Variants in SLIT3 observed in about 807,000 individuals in gnomAD.
SLIT3 encodes the protein slit homolog 3 protein.
In SLIT3, 68 loss-of-function variants were observed where a neutral mutation model predicts 184.0. The ratio of observed to expected loss-of-function variants is 0.37; its 90% CI spans 0.30 to 0.45. SLIT3 has a LOEUF of 0.45. Ranked by LOEUF, SLIT3 falls within the 20% of genes least tolerant of loss-of-function variation. SLIT3 has a pLI of 1.00. For missense variants in SLIT3, 1,707 were observed against 2,026.0 expected (o/e 0.84, Z 3.02); for synonymous variants, 831 against 828.6 (o/e 1.00, Z -0.05).
At chr5:168,788,609 A>G (rs1756245001) in intron 11 of SLIT3, among the ~76,000 whole-genome samples, 1 of 151,692 alleles carries the variant, frequency 6.6e-6, no homozygotes, top group Non-Finnish European at 1.5e-5. Flanking sequence ...TTTTTTTGAC[A>G]TACTAACTCT....
At chr5:169,243,103 T>C (rs1311595430) in intron 3 of SLIT3, among the ~76,000 whole-genome samples, 2 of 152,122 alleles carry the variant, frequency 1.3e-5, no homozygotes, top group Non-Finnish European at 2.9e-5. Context: ...TTACACCTCA[T>C]AGGAATTTTT....
chr5:169,248,167 G>A (rs189720721), intron 2 of SLIT3, among the ~76,000 whole-genome samples: 4 of 152,072 alleles, frequency 2.6e-5, no homozygotes, highest in Admixed American at 1.3e-4. Context: ...AAGGCCCAGG[G>A]GACAGTAGTG....
At chr5:169,260,704 T>C (rs1766142074) in intron 1 of SLIT3, among the ~76,000 whole-genome samples, 1 of 152,222 alleles carries the variant, frequency 6.6e-6, no homozygotes, top group Non-Finnish European at 1.5e-5. Context: ...ATTTTCTACC[T>C]GTTTTCTATT....
chr5:168,895,657 G>T (rs115320480), intron 4 of SLIT3, among the ~76,000 whole-genome samples: 13 of 152,160 alleles, frequency 8.5e-5, no homozygotes, highest in Non-Finnish European at 7.3e-5. Context: ...ATAGAATGAC[G>T]TTTCTCATCA....
rs10571842 is a variant in SLIT3, at chr5:169,194,233, CAAAAAAAAAA to C, written c.342-693_342-684del. 2.4e-4 allele frequency among the ~76,000 whole-genome samples: 15 copies of C among 61,394 alleles called. 1 individual carries two copies. The highest frequency in any genetic ancestry group is 2.0e-3 in the South Asian group (2 of 1,018). 40.3% of individuals were successfully genotyped at this position (61,394 alleles called of 152,430 possible). A position where few individuals can be genotyped will look rare whatever the true frequency, so the allele number is the denominator to read the frequency against. ...CTGGCGACAGAGCAAGACTCTGTCT[CAAAAAAAAAA>C]AAAAAAAAAAAAAAAAAAAGAAGAA... is the stretch of plus-strand genomic sequence containing the variant. On this transcript the variant is annotated intron_variant, in intron 3 of 35. Coordinates refer to ENST00000519560, the MANE Select transcript of SLIT3 (RefSeq NM_003062.4).
intron 4 of SLIT3, among the ~76,000 whole-genome samples, chr5:169,094,018 A>G (rs1386465489): frequency 6.6e-6 from 1 of 152,182 alleles, no homozygotes; most frequent in Non-Finnish European, 1.5e-5. Flanking sequence ...AACTCACATC[A>G]TGGTCCTAAC....
chr5:169,061,021 T>C (rs1758157923), intron 4 of SLIT3, among the ~76,000 whole-genome samples: 1 of 152,206 alleles, frequency 6.6e-6, no homozygotes, highest in South Asian at 2.1e-4. Flanking sequence ...GTCACCTCCC[T>C]GCACCCCGGT....
Position 168,753,890 on chromosome 5 carries a change from G to T in SLIT3, c.1803C>A (p.Phe601Leu). ...AGGTTTTGAGGCCACTGAGGCCACG[G>T]AACACGCGCCCGTGCACGGTCTCCA... is the stretch of plus-strand genomic sequence containing the variant. The part of the protein sequence containing the change: ...NQLETVHGRV[F>L]RGLSGLKTLM... The change falls in exon 17 of 36, where the codon TTC (phenylalanine) becomes TTA (leucine). Residue 601 changes from phenylalanine to leucine, a missense_variant. Transcript: ENST00000519560. 6.2e-7 allele frequency: 1 copy of T among 1,611,632 alleles called. No homozygotes were observed. The highest frequency in any genetic ancestry group is 8.5e-7 in the Non-Finnish European group (1 of 1,180,004).
intron 4 of SLIT3, among the ~76,000 whole-genome samples, chr5:168,984,628 C>A (rs984360760): frequency 6.6e-5 from 10 of 152,174 alleles, no homozygotes; most frequent in African/African-American, 2.2e-4. Context: ...GTCAGGGTAA[C>A]TCTGAAAACC....
At chr5:168,967,675 C>T (rs977022537) in intron 4 of SLIT3, among the ~76,000 whole-genome samples, 1 of 139,562 alleles carries the variant, frequency 7.2e-6, no homozygotes, top group African/African-American at 2.5e-5. Context: ...CTCCTGACCT[C>T]GTGATCCGCC....
intron 1 of SLIT3, among the ~76,000 whole-genome samples, chr5:169,290,257 G>A (rs937391470): frequency 3.3e-5 from 5 of 151,216 alleles, no homozygotes; most frequent in African/African-American, 4.9e-5. Flanking sequence ...GCACATGCTG[G>A]GACACATATT....
intron 3 of SLIT3, among the ~76,000 whole-genome samples, chr5:169,236,148 T>C (rs1174023231): frequency 1.3e-5 from 2 of 152,200 alleles, no homozygotes; most frequent in Non-Finnish European, 2.9e-5. Context: ...TATGGACTCA[T>C]GGATATTTAA....
intron 3 of SLIT3, among the ~76,000 whole-genome samples, chr5:169,243,574 G>C (rs1373774940): frequency 6.6e-6 from 1 of 152,152 alleles, no homozygotes; most frequent in Non-Finnish European, 1.5e-5. Context: ...GCATTTTTCT[G>C]GGTAATACTA....
chr5:169,130,180 T>C (rs1159601043), intron 4 of SLIT3, among the ~76,000 whole-genome samples: 1 of 152,164 alleles, frequency 6.6e-6, no homozygotes, highest in African/African-American at 2.4e-5. Flanking sequence ...ACCATAGTAA[T>C]GTAAGATGCT....
chr5:169,166,998 C>T (rs189145074), intron 4 of SLIT3, among the ~76,000 whole-genome samples: 32 of 152,094 alleles, frequency 2.1e-4, no homozygotes, highest in Non-Finnish European at 3.7e-4. Context: ...GAGACCCCTC[C>T]ATGTCTGAAA....
intron 11 of SLIT3, among the ~76,000 whole-genome samples, 181 bp from the exon 12 acceptor site, chr5:168,786,159 G>A (rs1756146318): frequency 6.6e-6 from 1 of 152,214 alleles, no homozygotes; most frequent in South Asian, 2.1e-4. Flanking sequence ...CCAGGGGCTG[G>A]AAGGGCAGGT....
At chr5:168,680,707 C>T (rs1273187588) in intron 32 of SLIT3, among the ~76,000 whole-genome samples, 5 of 152,196 alleles carry the variant, frequency 3.3e-5, no homozygotes, top group African/African-American at 1.2e-4. Context: ...CCTCCATTAA[C>T]CCCAGCCCTC....
intron 14 of SLIT3, among the ~76,000 whole-genome samples, chr5:168,771,359 C>A (rs1581063387): frequency 6.6e-6 from 1 of 152,130 alleles, no homozygotes; most frequent in East Asian, 1.9e-4. Flanking sequence ...TGATTGTCAT[C>A]CCCAAATATT....
intron 4 of SLIT3, among the ~76,000 whole-genome samples, chr5:169,034,273 C>T (rs900905948): frequency 6.6e-6 from 1 of 151,892 alleles, no homozygotes; most frequent in Non-Finnish European, 1.5e-5. Flanking sequence ...TTTGCTTTTG[C>T]TTTTGTGTCC....
Sources: allele counts gnomAD v4.1 joint callset (sites outside exome capture counted in the v4.1 genomes callset), GRCh38; gene constraint gnomAD v4.1.1; transcripts MANE v1.5; gene names NCBI Gene and HGNC (gene_info 2026-07-23, HGNC 2026-07-21).